The following RALYL variants were observed in gnomAD, a reference collection of about 807,000 sequenced individuals.
RALYL encodes RNA-binding Raly-like protein.
RALYL carries 29 observed loss-of-function variants against 35.1 expected under a neutral mutation model. The observed-to-expected ratio is 0.83, with a 90% CI of 0.61 to 1.13. The LOEUF is 1.13. RALYL is among the 50% of genes most tolerant of loss of function. The probability of loss-of-function intolerance (pLI) is 0.00; values close to 1 mark genes in which losing one functional copy is unlikely to be tolerated. For missense variants in RALYL, 359 were observed against 360.4 expected (o/e 1.00, Z 0.03); for synonymous variants, 120 against 127.6 (o/e 0.94, Z 0.40).
chr8:84,742,985 T>G (rs948812344), intron 2 of RALYL, among the ~76,000 whole-genome samples: 2 of 152,026 alleles, frequency 1.3e-5, no homozygotes, highest in African/African-American at 4.8e-5. Context: ...ATCATTCAAT[T>G]TATCCATCCC....
At chr8:84,661,970 A>G (rs1171449871) in intron 2 of RALYL, among the ~76,000 whole-genome samples, 1 of 149,608 alleles carries the variant, frequency 6.7e-6, no homozygotes, top group Non-Finnish European at 1.5e-5. Flanking sequence ...GTGGTCCCAT[A>G]CTTCTTATAG....
chr8:84,718,492 G>A lies in RALYL; in HGVS notation c.257-56087G>A, dbSNP rs374328355. Among the ~76,000 whole-genome samples the A allele has an allele frequency of 3.3e-5, 5 of 152,178 alleles. No individual in the cohort carries two copies. In the East Asian group the frequency reaches 7.7e-4, roughly 24 times the overall value. On this transcript the variant is annotated intron_variant, in intron 2 of 8. Transcript: ENST00000521268. ...TAAGAAACATTCTCTGGCCGGGCGC[G>A]GTGGCTCATGCCTGTAATCCCAGCA...
intron 2 of RALYL, among the ~76,000 whole-genome samples, chr8:84,554,720 C>T (rs779488827): frequency 6.6e-6 from 1 of 152,150 alleles, no homozygotes; most frequent in Non-Finnish European, 1.5e-5. Context: ...CATTCGAATT[C>T]CCATTTCAGC....
chr8:84,372,345 G>A (rs890317995), intron 1 of RALYL, among the ~76,000 whole-genome samples: 13 of 152,084 alleles, frequency 8.5e-5, no homozygotes, highest in East Asian at 1.9e-4. Context: ...AATCAAAAGC[G>A]TTCTCCTAGC....
chr8:84,730,949 A>G (rs957679861), intron 2 of RALYL, among the ~76,000 whole-genome samples: 5 of 152,094 alleles, frequency 3.3e-5, no homozygotes, highest in African/African-American at 1.2e-4. Context: ...AAGAAAGAGG[A>G]GGAGGAGAAA....
At chr8:84,269,444 C>A (rs1221625366) in intron 1 of RALYL, among the ~76,000 whole-genome samples, 2 of 152,074 alleles carry the variant, frequency 1.3e-5, no homozygotes, top group African/African-American at 4.8e-5. Context: ...ATGATTATAT[C>A]TTGTGAAATA....
rs373364274 is a variant in RALYL, at chr8:84,478,645, A to G, written c.-23-50654A>G. On this transcript the variant is annotated intron_variant, in intron 1 of 8. Coordinates refer to ENST00000521268, the MANE Select transcript of RALYL (RefSeq NM_173848.7). ...CTCTAATCTTAATAAAACCCTAGCTATTTTAGTGAGTATTCCACATAGGGT... is the reference window on the plus strand; with the variant it reads ...CTCTAATCTTAATAAAACCCTAGCTGTTTTAGTGAGTATTCCACATAGGGT... Among the ~76,000 whole-genome samples, 220 of 152,194 alleles carry G rather than the reference A, an allele frequency of 1.4e-3. 2 individuals carry two copies. The highest frequency in any genetic ancestry group is 4.7e-3 in the African/African-American group (197 of 41,536).
chr8:84,528,788 A>G (rs1325365388), intron 1 of RALYL, among the ~76,000 whole-genome samples: 1 of 152,112 alleles, frequency 6.6e-6, no homozygotes. Flanking sequence ...ACAGCCTTTA[A>G]TGGAACAAAT....
chr8:84,585,963 G>A (rs1230796555), intron 2 of RALYL, among the ~76,000 whole-genome samples: 53 of 152,002 alleles, frequency 3.5e-4, no homozygotes, highest in Admixed American at 3.5e-3. Context: ...TTGGGAGGCC[G>A]AGGCAGGCAG....
chr8:84,204,990 G>A (rs1018378397), intron 1 of RALYL, among the ~76,000 whole-genome samples: 9 of 152,126 alleles, frequency 5.9e-5, no homozygotes, highest in Admixed American at 1.3e-4. Context: ...CAGGATGACA[G>A]GGCTAGTAAC....
intron 4 of RALYL, among the ~76,000 whole-genome samples, chr8:84,838,423 T>C (rs1832478998): frequency 6.6e-6 from 1 of 152,226 alleles, no homozygotes; most frequent in Non-Finnish European, 1.5e-5. Context: ...TCTTTGAATC[T>C]CTTTCTCTTT....
intron 5 of RALYL, 68 bp from the exon 6 acceptor site, chr8:84,862,228 C>T: frequency 7.7e-7 from 1 of 1,299,060 alleles, no homozygotes; most frequent in South Asian, 1.8e-5. Flanking sequence ...TTCTGTTCAA[C>T]ATTTCACATA....
chr8:84,246,332 CT>C (rs1180878907), intron 1 of RALYL, among the ~76,000 whole-genome samples: 1 of 152,056 alleles, frequency 6.6e-6, no homozygotes, highest in African/African-American at 2.4e-5. Context: ...CTGTTTTTAC[CT>C]TCAAGAAACT....
chr8:84,797,194 G>A (rs1310708991), intron 3 of RALYL, among the ~76,000 whole-genome samples: 1 of 152,184 alleles, frequency 6.6e-6, no homozygotes, highest in Non-Finnish European at 1.5e-5. Context: ...ACAAAACAGA[G>A]CGAAAAAGCA....
chr8:84,614,771 T>C (rs1158591152), intron 2 of RALYL, among the ~76,000 whole-genome samples: 3 of 138,852 alleles, frequency 2.2e-5, no homozygotes, highest in Non-Finnish European at 4.6e-5. Flanking sequence ...TCCTCCCTTC[T>C]TTCCTTTTTT....
chr8:84,498,812 CAT>C (rs2056360181), intron 1 of RALYL, among the ~76,000 whole-genome samples: 1 of 151,876 alleles, frequency 6.6e-6, no homozygotes, highest in African/African-American at 2.4e-5. Flanking sequence ...CTATGAAAAT[CAT>C]ATGATTAAAT....
chr8:84,580,933 T>A (rs1440629793), intron 2 of RALYL, among the ~76,000 whole-genome samples: 1 of 152,168 alleles, frequency 6.6e-6, no homozygotes, highest in Non-Finnish European at 1.5e-5. Context: ...GCTCAATATC[T>A]GGGATCTAGA....
At chr8:84,898,107 T>G (rs1208177825) in intron 8 of RALYL, among the ~76,000 whole-genome samples, 1 of 152,134 alleles carries the variant, frequency 6.6e-6, no homozygotes, top group Non-Finnish European at 1.5e-5. Flanking sequence ...AAGTTGCCAG[T>G]TTAGTTTGGC....
intron 2 of RALYL, among the ~76,000 whole-genome samples, chr8:84,627,502 C>T (rs754150424): frequency 3.3e-5 from 5 of 149,284 alleles, no homozygotes; most frequent in Non-Finnish European, 5.9e-5. Flanking sequence ...GTTTTTATCT[C>T]CTAGGGTCTC....
Sources: allele counts gnomAD v4.1 joint callset (sites outside exome capture counted in the v4.1 genomes callset), GRCh38; gene constraint gnomAD v4.1.1; transcripts MANE v1.5; gene names NCBI Gene and HGNC (gene_info 2026-07-23, HGNC 2026-07-21).